The following IPMK variants were observed in gnomAD, a reference collection of about 807,000 sequenced individuals.
IPMK encodes the protein inositol 1,3,4,6-tetrakisphosphate 5-kinase.
IPMK carries 17 observed loss-of-function variants against 45.8 expected under a neutral mutation model. That is an observed-to-expected ratio of 0.37 (90% CI 0.25 to 0.56). The LOEUF (loss-of-function observed/expected upper bound fraction) is 0.56. Ranked by LOEUF, IPMK falls within the 20% of genes least tolerant of loss-of-function variation. The pLI is 0.79. For synonymous variants in IPMK, 180 were observed against 184.3 expected (o/e 0.98, Z 0.19); for missense variants, 399 against 498.0 (o/e 0.80, Z 1.89).
chr10:58,260,204 T>C (rs1185995820), intron 1 of IPMK, among the ~76,000 whole-genome samples: 1 of 152,184 alleles, frequency 6.6e-6, no homozygotes, highest in Admixed American at 6.5e-5. Flanking sequence ...CAAACTGAAC[T>C]TAAAGGACAT....
intron 1 of IPMK, among the ~76,000 whole-genome samples, chr10:58,266,730 C>T (rs1434102651): frequency 3.9e-5 from 6 of 152,148 alleles, no homozygotes; most frequent in Admixed American, 3.9e-4. Context: ...TTACAGTGGC[C>T]ATGATACAGC....
At chr10:58,207,536 A>G (rs556182983) in intron 4 of IPMK, among the ~76,000 whole-genome samples, 1 of 152,324 alleles carries the variant, frequency 6.6e-6, no homozygotes, top group East Asian at 1.9e-4. Flanking sequence ...TTTTCAACAC[A>G]TCCATGTTAA....
chr10:58,261,011 C>T (rs1025821913), intron 1 of IPMK, among the ~76,000 whole-genome samples: 1 of 150,580 alleles, frequency 6.6e-6, no homozygotes, highest in African/African-American at 2.5e-5. Context: ...TATAAAATAA[C>T]TTGAATCAAG....
chr10:58,263,340 A>G (rs1386515242), intron 1 of IPMK, among the ~76,000 whole-genome samples: 1 of 152,126 alleles, frequency 6.6e-6, no homozygotes, highest in African/African-American at 2.4e-5. Context: ...CCTGGCCAAC[A>G]TGGCAAAACC....
At chr10:58,262,962 T>C (rs1375425493) in intron 1 of IPMK, among the ~76,000 whole-genome samples, 1 of 152,156 alleles carries the variant, frequency 6.6e-6, no homozygotes, top group Non-Finnish European at 1.5e-5. Context: ...ACTATCAGAA[T>C]AAACACAGCT....
At chr10:58,224,272 T>G (rs1204553402) in intron 3 of IPMK, among the ~76,000 whole-genome samples, 2 of 152,210 alleles carry the variant, frequency 1.3e-5, no homozygotes, top group Non-Finnish European at 2.9e-5. Context: ...CTCAATTTTT[T>G]CAAACCTACT....
At chr10:58,250,830 T>C (rs1015903859) in intron 1 of IPMK, among the ~76,000 whole-genome samples, 2 of 152,212 alleles carry the variant, frequency 1.3e-5, no homozygotes, top group African/African-American at 4.8e-5. Context: ...ATGGCCTTTA[T>C]TGTTCTGAAG....
chr10:58,214,754 A>G (rs993391159), intron 4 of IPMK, among the ~76,000 whole-genome samples: 1 of 152,214 alleles, frequency 6.6e-6, no homozygotes, highest in African/African-American at 2.4e-5. Context: ...ATATAGATAA[A>G]CAAGTATTTG....
chr10:58,196,467 T>G lies in IPMK; in HGVS notation c.860A>C (p.Glu287Ala). ...AAAGTTATTATTGTACTCTAGTACT[T>G]CTGTGTCTGACAGTTGTCCTTTGGA... ...FLSKGQLSDT[E>A]VLEYNNNFHV... Residue 287 changes from glutamate to alanine, a missense_variant, in exon 6 of 6, where the codon GAA becomes GCA. This residue lies in a region of IPMK where 288 missense variants were observed against 398.0 expected (regional missense o/e 0.72). Coordinates refer to ENST00000373935, the MANE Select transcript of IPMK (RefSeq NM_152230.5). 6.2e-7 allele frequency: 1 copy of G among 1,614,168 alleles called. No individual in the cohort carries two copies. Among genetic ancestry groups the G allele is most frequent in the South Asian group, 1.1e-5 (1 of 91,084 alleles).
At chr10:58,223,158 A>C (rs996629823) in intron 3 of IPMK, among the ~76,000 whole-genome samples, 12 of 152,222 alleles carry the variant, frequency 7.9e-5, no homozygotes, top group African/African-American at 2.9e-4. Flanking sequence ...AATTTTAAAA[A>C]ATTTAAAAAT....
At chr10:58,253,278 C>T (rs565940246) in intron 1 of IPMK, among the ~76,000 whole-genome samples, 8 of 152,222 alleles carry the variant, frequency 5.3e-5, no homozygotes, top group African/African-American at 1.9e-4. Context: ...TCAATTAAAT[C>T]TCCTTCCTTT....
At chr10:58,233,081 T>C (rs1188912888) in intron 2 of IPMK, among the ~76,000 whole-genome samples, 2 of 152,116 alleles carry the variant, frequency 1.3e-5, no homozygotes, top group African/African-American at 4.8e-5. Context: ...TAGAAATGGA[T>C]AAATTCATGG....
At chr10:58,244,168 G>C (rs374542708) in intron 1 of IPMK, among the ~76,000 whole-genome samples, 1 of 146,846 alleles carries the variant, frequency 6.8e-6, no homozygotes, top group Non-Finnish European at 1.5e-5. Flanking sequence ...CTGCCCGGCC[G>C]CCCCGTCTGG....
chr10:58,223,804 A>G (rs2590311), intron 3 of IPMK, among the ~76,000 whole-genome samples: 51,002 of 151,582 alleles, frequency 0.34, 10,760 homozygotes, highest in African/African-American at 0.61. Context: ...TAGTGAGGGA[A>G]TTCTCACGAG....
At position 58,243,522 on chromosome 10, in the gene IPMK, G is replaced by A. The variant is rs930060859; in HGVS notation, c.191-5708C>T. Among the ~76,000 whole-genome samples, 8 of 152,210 alleles carry A rather than the reference G, an allele frequency of 5.3e-5. No homozygotes were observed. The South Asian group carries it at 6.2e-4, about 12-fold the overall frequency. The stretch of plus-strand genomic sequence containing the variant: ...GTGCCTGTGATTCCAGGCACGTGCC[G>A]CCACTCCTGACTGGTTTATATATTT... On this transcript the variant is annotated intron_variant, in intron 1 of 5. Coordinates refer to ENST00000373935, the MANE Select transcript of IPMK (RefSeq NM_152230.5).
rs1156378084 is a variant in IPMK, at chr10:58,192,526, C to T, written c.*3550G>A. The T allele has an allele frequency of 1.3e-5, 2 of 151,882 alleles. No individual in the cohort carries two copies. The highest frequency in any genetic ancestry group is 2.9e-5 in the Non-Finnish European group (2 of 67,874). The allele number at this position is 151,882 out of a possible 1,614,324, so 9.4% of individuals were successfully genotyped here. A position where few individuals can be genotyped will look rare whatever the true frequency, so the allele number is the denominator to read the frequency against. On this transcript the variant is annotated 3_prime_UTR_variant, in exon 6 of 6. Coordinates refer to ENST00000373935, the MANE Select transcript of IPMK (RefSeq NM_152230.5). ...TATTGTTAGATGCTTCATTTCAACC[C>T]CACACTTATTATCTTATTTAGATGC...
rs572877660 is a variant in IPMK at position 58,249,060 on chromosome 10, T to C, written c.191-11246A>G. 4.6e-5 allele frequency among the ~76,000 whole-genome samples: 7 copies of C among 152,382 alleles called. No individual in the cohort carries two copies. In the East Asian group the frequency reaches 1.3e-3, roughly 29 times the overall value. On this transcript the variant is annotated intron_variant, in intron 1 of 5. Coordinates refer to ENST00000373935, the MANE Select transcript of IPMK (RefSeq NM_152230.5). ...GATATATATTCAGAAGCAGGAATGC[T>C]GGATCATATGGTAGATTTATTTTTA...
chr10:58,205,140 A>G (rs1028764137), intron 4 of IPMK, among the ~76,000 whole-genome samples: 3 of 152,196 alleles, frequency 2.0e-5, no homozygotes. Flanking sequence ...CAAGAAAAAT[A>G]GGAGTAAATC....
rs1031288315 is a variant in IPMK at position 58,195,103 on chromosome 10, A to C, written c.*973T>G. ...ATATTGTCTTTCATTGCTTACTATA[A>C]TTCTGAGAAACTGTTTTTAACAACA... is the stretch of plus-strand genomic sequence containing the variant. On this transcript the variant is annotated 3_prime_UTR_variant, in exon 6 of 6. Transcript: ENST00000373935. 4 of 152,006 alleles carry C rather than the reference A, an allele frequency of 2.6e-5. No homozygotes were observed. Among genetic ancestry groups the C allele is most frequent in the African/African-American group, 9.7e-5 (4 of 41,424 alleles). 9.4% of individuals were successfully genotyped at this position (152,006 alleles called of 1,614,324 possible).
Sources: gnomAD v4.1 joint callset for allele counts (sites outside exome capture counted in the v4.1 genomes callset) on GRCh38, gnomAD v4.1.1 for gene constraint, gnomAD v4.1.1 regional missense constraint, MANE v1.5 for transcripts, NCBI Gene and HGNC (gene_info 2026-07-23, HGNC 2026-07-21) for gene names.